ALDH9A1: variants seen among roughly 807,000 people sequenced by gnomAD.
The protein encoded by ALDH9A1 is aldehyde dehydrogenase 9 family member A1.
Under a neutral mutation model 56.6 loss-of-function variants are expected in ALDH9A1, and 42 were observed. That is an observed-to-expected ratio of 0.74 (90% CI 0.58 to 0.96). The LOEUF (loss-of-function observed/expected upper bound fraction) is 0.96. Among genes scored for constraint, ALDH9A1 ranks in the 40% least tolerant of loss-of-function variants. The pLI, the probability that ALDH9A1 is intolerant of heterozygous loss-of-function variation, is 0.00. For missense variants in ALDH9A1, 661 were observed against 651.5 expected, an observed-to-expected ratio of 1.01 and a Z score of -0.16; for synonymous variants, 242 against 236.0, an observed-to-expected ratio of 1.03 and a Z score of -0.23.
intron 2 of ALDH9A1, among the ~76,000 whole-genome samples, chr1:165,685,529 C>T (rs1649681014): frequency 6.6e-6 from 1 of 152,116 alleles, no homozygotes; most frequent in Non-Finnish European, 1.5e-5. Flanking sequence ...GTACAGACCA[C>T]TAAATGCTAA....
chr1:165,673,101 C>CAA (rs1235930104), intron 6 of ALDH9A1, among the ~76,000 whole-genome samples: 1 of 57,274 alleles, frequency 1.7e-5, no homozygotes, highest in African/African-American at 6.3e-5. Flanking sequence ...TATTCAATTG[C>CAA]AAAAAAAAAA....
chr1:165,686,944 T>TA (rs367710796), intron 2 of ALDH9A1, among the ~76,000 whole-genome samples: 343 of 152,272 alleles, frequency 2.3e-3, no homozygotes, highest in African/African-American at 8.0e-3. Context: ...ATGATAGCTA[T>TA]ACTCCGTATG....
rs1259855893 is a variant in ALDH9A1 at position 165,682,187 on chromosome 1, A to G, written c.512T>C (p.Leu171Pro). 2.5e-6 allele frequency: 4 copies of G among 1,613,880 alleles called. No homozygotes were observed. The highest frequency in any genetic ancestry group is 2.5e-6 in the Non-Finnish European group (3 of 1,179,896). ...GSFGYTRREPLGVCVGIGAWN... is the reference protein window; with the variant it reads ...GSFGYTRREPPGVCVGIGAWN... ...TGCTCCTATTCCCACACATACCCCA[A>G]GTGGTTCTCTTCTGGTATAACCAAA... The change falls in exon 4 of 11, where the codon CTT (leucine) becomes CCT (proline). Residue 171 changes from leucine to proline, a missense_variant. Coordinates refer to ENST00000354775, the MANE Select transcript of ALDH9A1 (RefSeq NM_000696.4).
chr1:165,677,335 G>A (rs1184920523), intron 6 of ALDH9A1, among the ~76,000 whole-genome samples: 2 of 152,088 alleles, frequency 1.3e-5, no homozygotes, highest in African/African-American at 4.8e-5. Context: ...CTCCGGCCTG[G>A]GCAACAGAGC....
Position 165,675,321 on chromosome 1 carries a change from C to T in ALDH9A1, c.930+4121G>A, listed in dbSNP as rs149218266. On this transcript the variant is annotated intron_variant, in intron 6 of 10. Coordinates refer to ENST00000354775, the MANE Select transcript of ALDH9A1 (RefSeq NM_000696.4). ...ATGTAGAATATTCTATATATTTATT[C>T]TATATATTCTATACTATATGTATTC... 7.6e-3 allele frequency among the ~76,000 whole-genome samples: 1,145 copies of T among 151,408 alleles called. 6 individuals are homozygous for T. Among genetic ancestry groups the T allele is most frequent in the Middle Eastern group, 0.034 (10 of 292 alleles).
Position 165,698,516 on chromosome 1 carries a change from G to A in ALDH9A1, c.43C>T (p.Arg15Cys), listed in dbSNP as rs1187783284. 2.5e-6 allele frequency: 4 copies of A among 1,610,780 alleles called. No individual in the cohort carries two copies. The highest frequency in any genetic ancestry group is 8.5e-7 in the Non-Finnish European group (1 of 1,178,956). The stretch of plus-strand genomic sequence containing the variant: ...GCGACAGGAGAGGGCCGAAGACTGC[G>A]AAGAAGCGGGGAGAGCGCGGCCAGG... ...AGLAALSPLL[R>C]SLRPSPVAAM... The change falls in exon 1 of 11, where the codon CGC (arginine) becomes TGC (cysteine). Residue 15 changes from arginine to cysteine, a missense_variant. Physicochemically the swap from Arg to Cys is radical, Grantham distance 180. Transcript: ENST00000354775.
chr1:165,672,580 A>G (rs974134332), intron 6 of ALDH9A1, among the ~76,000 whole-genome samples: 17 of 152,140 alleles, frequency 1.1e-4, no homozygotes, highest in African/African-American at 3.4e-4. Flanking sequence ...TCTAGAGATG[A>G]ATAATGATGA....
chr1:165,680,024 AAT>A (rs1649492585), intron 5 of ALDH9A1, among the ~76,000 whole-genome samples: 1 of 152,090 alleles, frequency 6.6e-6, no homozygotes, highest in South Asian at 2.1e-4. Context: ...AAAAAATAAA[AAT>A]AAAAAATATT....
intron 5 of ALDH9A1, 89 bp from the exon 6 acceptor site, chr1:165,679,671 T>C: frequency 7.3e-7 from 1 of 1,377,494 alleles, no homozygotes; most frequent in South Asian, 1.2e-5. Flanking sequence ...CAAAATCATC[T>C]TGAACTGTTT....
rs905160825 is a variant in ALDH9A1, at chr1:165,663,015, A to C, written c.*35T>G. The C allele has an allele frequency of 1.9e-6, 3 of 1,560,532 alleles. No homozygotes were observed. Among genetic ancestry groups the C allele is most frequent in the Non-Finnish European group, 2.7e-6 (3 of 1,131,292 alleles). On this transcript the variant is annotated 3_prime_UTR_variant, in exon 11 of 11. Coordinates refer to ENST00000354775, the MANE Select transcript of ALDH9A1 (RefSeq NM_000696.4). ...ACAGGGCCAATTCACATCATTCCAC[A>C]GCGTGGCCATGTCAATAGGTTTCAC... is the stretch of plus-strand genomic sequence containing the variant.
chr1:165,679,878 T>G (rs904506350), intron 5 of ALDH9A1, among the ~76,000 whole-genome samples: 5 of 152,106 alleles, frequency 3.3e-5, no homozygotes, highest in Non-Finnish European at 7.4e-5. Context: ...CCAGGCACAG[T>G]GGCACATGAC....
chr1:165,697,734 A>AG lies in ALDH9A1; in HGVS notation c.181+643dup, dbSNP rs571567135. On this transcript the variant is annotated intron_variant, in intron 1 of 10. Coordinates refer to ENST00000354775, the MANE Select transcript of ALDH9A1 (RefSeq NM_000696.4). Reference sequence around the variant, plus strand: ...ATAATACATCAGTCCTGGTTTTAAAAGGGGGAACAGTTGGCTGGGCTTGGT... The same window carrying AG: ...ATAATACATCAGTCCTGGTTTTAAAAGGGGGGAACAGTTGGCTGGGCTTGGT... Among the ~76,000 whole-genome samples the AG allele has an allele frequency of 3.4e-4, 52 of 152,242 alleles. No homozygotes were observed. In the East Asian group the frequency reaches 4.8e-3, roughly 14 times the overall value.
At chr1:165,675,628 T>C (rs10918239) in intron 6 of ALDH9A1, among the ~76,000 whole-genome samples, 34,838 of 152,100 alleles carry the variant, frequency 0.23, 5,263 homozygotes, top group East Asian at 0.8. Flanking sequence ...AAAATTCTGA[T>C]GTTTAGAACC....
chr1:165,665,799 C>T (rs1038975258), intron 9 of ALDH9A1, among the ~76,000 whole-genome samples: 8 of 152,110 alleles, frequency 5.3e-5, no homozygotes, highest in African/African-American at 1.9e-4. Context: ...AACCTTCATA[C>T]GTTGTTCGGA....
intron 6 of ALDH9A1, chr1:165,676,696 C>T (rs1649370980): frequency 4.4e-6 from 2 of 450,328 alleles, no homozygotes; most frequent in Admixed American, 2.8e-5. Context: ...GAAGCACCAG[C>T]CTACTCCACC....
intron 6 of ALDH9A1, among the ~76,000 whole-genome samples, chr1:165,670,198 C>T (rs1160476259): frequency 6.6e-6 from 1 of 151,928 alleles, no homozygotes; most frequent in Non-Finnish European, 1.5e-5. Context: ...TTTGGGAGGA[C>T]AAGGTGGGCG....
At chr1:165,679,401 T>C in intron 6 of ALDH9A1, 41 bp downstream of exon 6, 2 of 1,603,808 alleles carry the variant, frequency 1.2e-6, no homozygotes, top group African/African-American at 1.3e-5. Context: ...GATGAGGGGG[T>C]AGAGATTCCT....
intron 6 of ALDH9A1, among the ~76,000 whole-genome samples, chr1:165,675,153 T>G (rs1001121397): frequency 1.3e-5 from 2 of 152,056 alleles, no homozygotes; most frequent in Admixed American, 1.3e-4. Context: ...CAAGATCGTG[T>G]CACTGCACTC....
intron 6 of ALDH9A1, chr1:165,671,296 C>T: frequency 3.1e-6 from 1 of 319,896 alleles, no homozygotes; most frequent in Non-Finnish European, 6.2e-6. Context: ...CTGTCTCAGT[C>T]AGCTTTGCTC....
Sources: gnomAD v4.1 joint callset for allele counts (sites outside exome capture counted in the v4.1 genomes callset) on GRCh38, gnomAD v4.1.1 for gene constraint, MANE v1.5 for transcripts, NCBI Gene and HGNC (gene_info 2026-07-23, HGNC 2026-07-21) for gene names.